Variants in DENND1A observed in about 807,000 individuals in gnomAD.
DENND1A encodes DENN domain containing 1A.
A neutral mutation model predicts 113.7 loss-of-function variants in DENND1A; 51 were observed. The observed-to-expected ratio is 0.45, with a 90% confidence interval of 0.36 to 0.57. The LOEUF is 0.57. Ranked by LOEUF, DENND1A falls within the 20% of genes least tolerant of loss-of-function variation. The pLI is 0.00. For synonymous variants in DENND1A, 565 were observed against 570.8 expected (o/e 0.99, Z 0.14); for missense variants, 1,258 against 1,395.9 (o/e 0.90, Z 1.57).
In DENND1A at chr9:123,637,927, ACACACG is replaced by A. The variant is rs1252609791; in HGVS notation, c.619-7457_619-7452del. 5.4e-5 allele frequency among the ~76,000 whole-genome samples: 5 copies of A among 92,014 alleles called. No homozygotes were observed. In the South Asian group the frequency reaches 2.2e-3, roughly 40 times the overall value. The allele number at this position is 92,014 out of a possible 152,430, so 60.4% of individuals were successfully genotyped here. ...AAGGAATAAACACACACACACACAC[ACACACG>A]CACACACACACACACACGCGCACAC... is the stretch of plus-strand genomic sequence containing the variant. On this transcript the variant is annotated intron_variant, in intron 9 of 23. Transcript: ENST00000394215.
intron 2 of DENND1A, among the ~76,000 whole-genome samples, chr9:123,861,789 C>A (rs1845092460): frequency 3.3e-5 from 5 of 152,088 alleles, no homozygotes. Context: ...CTTGTAAAGT[C>A]TTGGGAGTGA....
intron 19 of DENND1A, among the ~76,000 whole-genome samples, chr9:123,419,116 A>T (rs539363260): frequency 6.6e-6 from 1 of 152,376 alleles, no homozygotes; most frequent in South Asian, 2.1e-4. Flanking sequence ...TAGGTGAGAA[A>T]ATAGAATAGT....
intron 3 of DENND1A, among the ~76,000 whole-genome samples, chr9:123,785,596 C>G (rs1389419612): frequency 6.6e-6 from 1 of 152,054 alleles, no homozygotes; most frequent in Non-Finnish European, 1.5e-5. Context: ...GATATTTAAG[C>G]TGGGATGTAT....
intron 5 of DENND1A, among the ~76,000 whole-genome samples, chr9:123,722,889 G>A (rs1441639857): frequency 6.6e-6 from 1 of 152,252 alleles, no homozygotes; most frequent in Admixed American, 6.5e-5. Flanking sequence ...AGTCCCTACT[G>A]AGGCACTGCC....
chr9:123,735,612 A>C (rs1427756431), intron 5 of DENND1A, among the ~76,000 whole-genome samples: 1 of 152,238 alleles, frequency 6.6e-6, no homozygotes, highest in Non-Finnish European at 1.5e-5. Flanking sequence ...GAGTAACAAA[A>C]CAGTAAGTGG....
At chr9:123,854,842 A>C (rs575135025) in intron 2 of DENND1A, among the ~76,000 whole-genome samples, 1 of 151,090 alleles carries the variant, frequency 6.6e-6, no homozygotes, top group Non-Finnish European at 1.5e-5. Flanking sequence ...CTTATCAGCT[A>C]CCGAGATAGT....
chr9:123,414,676 C>G, intron 19 of DENND1A: 1 of 1,492,682 alleles, frequency 6.7e-7, no homozygotes, highest in Non-Finnish European at 9.1e-7. Flanking sequence ...TTTAAAAAGT[C>G]CTATTTCCCA....
At chr9:123,857,105 G>T (rs1030513053) in intron 2 of DENND1A, among the ~76,000 whole-genome samples, 3 of 151,144 alleles carry the variant, frequency 2.0e-5, no homozygotes, top group Non-Finnish European at 4.4e-5. Context: ...AACACACATA[G>T]AATCAAAATT....
intron 21 of DENND1A, chr9:123,401,853 G>A (rs868412968): frequency 5.0e-6 from 8 of 1,614,176 alleles, no homozygotes; most frequent in Non-Finnish European, 6.8e-6. Flanking sequence ...GAACTTGGCC[G>A]CAAAATGGGT....
intron 13 of DENND1A, among the ~76,000 whole-genome samples, chr9:123,517,656 C>CA (rs995625773): frequency 9.2e-5 from 14 of 151,558 alleles, no homozygotes; most frequent in Non-Finnish European, 1.0e-4. Context: ...ACAAAACAAA[C>CA]AAAAAAAACA....
At chr9:123,528,414 T>C (rs1397681079) in intron 13 of DENND1A, among the ~76,000 whole-genome samples, 1 of 152,186 alleles carries the variant, frequency 6.6e-6, no homozygotes, top group East Asian at 1.9e-4. Context: ...ATTTGCCATA[T>C]ATTTATTGCT....
chr9:123,613,095 A>G (rs1409767567), intron 10 of DENND1A, among the ~76,000 whole-genome samples: 3 of 152,146 alleles, frequency 2.0e-5, no homozygotes, highest in South Asian at 4.1e-4. Context: ...CACCATCTCT[A>G]CACATGGATT....
intron 13 of DENND1A, among the ~76,000 whole-genome samples, chr9:123,535,393 C>T (rs568423990): frequency 1.8e-4 from 27 of 152,244 alleles, no homozygotes; most frequent in African/African-American, 5.8e-4. Flanking sequence ...CTGTGGTGAG[C>T]TATGATCGTG....
chr9:123,557,297 C>T (rs1337582536), intron 13 of DENND1A, among the ~76,000 whole-genome samples: 4 of 152,144 alleles, frequency 2.6e-5, no homozygotes, highest in Non-Finnish European at 4.4e-5. Context: ...AGGGGCCTGG[C>T]GCTGCATCTG....
chr9:123,482,506 T>A (rs1403604026), intron 13 of DENND1A, among the ~76,000 whole-genome samples: 1 of 152,246 alleles, frequency 6.6e-6, no homozygotes, highest in African/African-American at 2.4e-5. Context: ...CTCAAAGGTC[T>A]CTGCCTATGG....
Position 123,452,358 on chromosome 9 carries a change from A to C in DENND1A, c.1228-11T>G, listed in dbSNP as rs148333583. Reference sequence around the variant, plus strand: ...TGCTCCACTTCCTTTCTATAATAAAAATGTCAATTAGCAATTTGGGCTGAA... The same window carrying C: ...TGCTCCACTTCCTTTCTATAATAAACATGTCAATTAGCAATTTGGGCTGAA... On this transcript the variant is annotated splice_polypyrimidine_tract_variant and intron_variant, in intron 16 of 23. Coordinates refer to ENST00000394215, the MANE Select transcript of DENND1A (RefSeq NM_001352964.2). The C allele has an allele frequency of 6.2e-7, 1 of 1,613,012 alleles. No homozygotes were observed. Among genetic ancestry groups the C allele is most frequent in the East Asian group, 2.2e-5 (1 of 44,886 alleles).
chr9:123,433,383 A>G (rs962987240), intron 19 of DENND1A, among the ~76,000 whole-genome samples: 1 of 152,144 alleles, frequency 6.6e-6, no homozygotes, highest in African/African-American at 2.4e-5. Flanking sequence ...ACAGGAGATT[A>G]TATTTGCTTT....
intron 5 of DENND1A, among the ~76,000 whole-genome samples, chr9:123,713,864 T>C (rs73667907): frequency 0.18 from 27,548 of 152,054 alleles, 2,731 homozygotes; most frequent in African/African-American, 0.27. Context: ...CAAGGTCATA[T>C]AGTTTATGAA....
At chr9:123,658,406 AG>A in intron 8 of DENND1A, among the ~76,000 whole-genome samples, 1 of 152,336 alleles carries the variant, frequency 6.6e-6, no homozygotes, top group East Asian at 1.9e-4. Flanking sequence ...AAATTTATAA[AG>A]ATTTATGCTC....
Sources: allele counts gnomAD v4.1 joint callset (sites outside exome capture counted in the v4.1 genomes callset), GRCh38; gene constraint gnomAD v4.1.1; transcripts MANE v1.5; gene names NCBI Gene and HGNC (gene_info 2026-07-23, HGNC 2026-07-21).